MLXIPL: variants seen among roughly 807,000 people sequenced by gnomAD.
The protein encoded by MLXIPL is MLX interacting protein like.
In MLXIPL, 49 loss-of-function variants were observed where a neutral mutation model predicts 81.5. The ratio of observed to expected loss-of-function variants is 0.60; its 90% CI spans 0.48 to 0.76. The LOEUF (loss-of-function observed/expected upper bound fraction) is 0.76, where lower values mean the gene tolerates loss of function less well. Ranked by LOEUF, MLXIPL falls within the 30% of genes least tolerant of loss-of-function variation. MLXIPL has a pLI of 0.00. For missense variants in MLXIPL, 1,053 were observed against 1,167.0 expected, an observed-to-expected ratio of 0.90 and a Z score of 1.42; for synonymous variants, 466 against 485.5, an observed-to-expected ratio of 0.96 and a Z score of 0.53.
the MLXIPL span, among the ~76,000 whole-genome samples, chr7:73,629,803 A>T: frequency 6.6e-6 from 1 of 152,122 alleles, no homozygotes; most frequent in South Asian, 2.1e-4. Flanking sequence ...TGGGTGTGTT[A>T]GAATTTTCAT....
the MLXIPL span, among the ~76,000 whole-genome samples, chr7:73,633,333 C>T: frequency 6.7e-6 from 1 of 148,628 alleles, no homozygotes; most frequent in East Asian, 2.0e-4. Context: ...CCACCTGCCT[C>T]GGCCTCCCAA....
chr7:73,607,798 A>G (rs1365412687), intron 2 of MLXIPL, 126 bp from the exon 3 acceptor site: 2 of 702,656 alleles, frequency 2.8e-6, no homozygotes, highest in Non-Finnish European at 4.9e-6. Context: ...TTAAGTGCCC[A>G]TGCTGCCTCC....
At chr7:73,598,885 C>T (rs1382498175) in intron 8 of MLXIPL, among the ~76,000 whole-genome samples, 14 of 151,824 alleles carry the variant, frequency 9.2e-5, no homozygotes, top group African/African-American at 1.5e-4. Context: ...CTTGGGAGGC[C>T]GAGGCGGGCG....
upstream of MLXIPL, among the ~76,000 whole-genome samples, chr7:73,625,360 G>A (rs1554603557): frequency 6.6e-6 from 1 of 152,110 alleles, no homozygotes; most frequent in African/African-American, 2.4e-5. Flanking sequence ...CTCCACATAG[G>A]TAGAAGCCCC....
intron 5 of MLXIPL, 155 bp downstream of exon 5, chr7:73,606,819 C>A: frequency 1.2e-6 from 1 of 851,386 alleles, no homozygotes; most frequent in Non-Finnish European, 1.9e-6. Context: ...GAGAAGAGCT[C>A]AACAAATGAA....
chr7:73,624,464 G>A lies in MLXIPL; in HGVS notation c.29C>T (p.Ala10Val). The change falls in exon 1 of 17, where the codon GCG becomes GTG. Residue 10 changes from alanine to valine, a missense_variant. Physicochemically the swap from Ala to Val is moderately conservative, Grantham distance 64 (BLOSUM62 0). Coordinates refer to ENST00000313375, the MANE Select transcript of MLXIPL (RefSeq NM_032951.3). ...CGCGACCCGCGGGACCTGCAAGCCC[G>A]CGGCCAGACCTGCCAGCGCGCCGGC... MAGALAGLA[A>V]GLQVPRVAPS... 6.5e-7 allele frequency: 1 copy of A among 1,544,740 alleles called. No homozygotes were observed. Among genetic ancestry groups the A allele is most frequent in the Non-Finnish European group, 8.7e-7 (1 of 1,153,190 alleles).
At chr7:73,595,792 G>T (rs1428180038) in intron 14 of MLXIPL, 32 bp from the exon 15 acceptor site, 3 of 1,579,672 alleles carry the variant, frequency 1.9e-6, no homozygotes, top group Non-Finnish European at 2.6e-6. Context: ...GGGGCTGGGG[G>T]TAAGGCGGCA....
At chr7:73,612,162 C>T (rs1795727657) in intron 2 of MLXIPL, among the ~76,000 whole-genome samples, 2 of 151,632 alleles carry the variant, frequency 1.3e-5, no homozygotes, top group Admixed American at 1.3e-4. Flanking sequence ...CCTGCCCCTA[C>T]AAAAAATTAA....
At chr7:73,614,897 G>A (rs1363013405) in intron 2 of MLXIPL, among the ~76,000 whole-genome samples, 3 of 142,968 alleles carry the variant, frequency 2.1e-5, no homozygotes, top group Non-Finnish European at 4.5e-5. Context: ...TGCAAGCTCC[G>A]CCTCCCAGGT....
the MLXIPL span, among the ~76,000 whole-genome samples, chr7:73,637,344 A>C: frequency 2.0e-5 from 3 of 151,568 alleles, no homozygotes; most frequent in Non-Finnish European, 2.9e-5. Flanking sequence ...GCATGGTGGC[A>C]CACGCTTGTA....
intron 1 of MLXIPL, 130 bp from the exon 2 acceptor site, chr7:73,616,307 A>G: frequency 1.3e-6 from 1 of 773,980 alleles, no homozygotes; most frequent in South Asian, 1.4e-5. Flanking sequence ...CTGGCCCCCC[A>G]ACCCAACCTG....
At chr7:73,645,357 A>G in the MLXIPL span, among the ~76,000 whole-genome samples, 1 of 152,152 alleles carries the variant, frequency 6.6e-6, no homozygotes, top group Non-Finnish European at 1.5e-5. Context: ...TCTCTTATTT[A>G]TCAGTGCCAG....
At chr7:73,643,292 A>T in the MLXIPL span, among the ~76,000 whole-genome samples, 1 of 152,148 alleles carries the variant, frequency 6.6e-6, no homozygotes, top group Admixed American at 6.6e-5. Flanking sequence ...AGGCGGGCGG[A>T]TCACGAGGTC....
intron 2 of MLXIPL, chr7:73,610,619 A>C (rs1795628842): frequency 6.6e-6 from 1 of 152,194 alleles, no homozygotes; most frequent in African/African-American, 2.4e-5. Context: ...GACTATAGGC[A>C]TGTGCTACCA....
intron 7 of MLXIPL, among the ~76,000 whole-genome samples, chr7:73,601,131 CAGTT>C (rs1464684819): frequency 1.3e-5 from 2 of 150,892 alleles, no homozygotes; most frequent in African/African-American, 2.4e-5. Context: ...GACCAGGAGT[CAGTT>C]AGATAAGGTC....
chr7:73,636,879 G>A, the MLXIPL span, among the ~76,000 whole-genome samples: 2 of 152,070 alleles, frequency 1.3e-5, no homozygotes, highest in African/African-American at 4.8e-5. Flanking sequence ...GGCCAAGATG[G>A]TGAAACCCCG....
At chr7:73,647,434 C>T in the MLXIPL span, among the ~76,000 whole-genome samples, 1 of 152,130 alleles carries the variant, frequency 6.6e-6, no homozygotes, top group Non-Finnish European at 1.5e-5. Flanking sequence ...CTCTCAGCTC[C>T]TGGGAGAACC....
chr7:73,621,010 A>G lies in MLXIPL; in HGVS notation c.293+3190T>C, dbSNP rs559255392. On this transcript the variant is annotated intron_variant, in intron 1 of 16. Transcript: ENST00000313375. ...GATTACAGTGAGCTGAGATCATGCCAGCGCACTCCAGCCTGGGCAACAGAG... is the reference window on the plus strand; with the variant it reads ...GATTACAGTGAGCTGAGATCATGCCGGCGCACTCCAGCCTGGGCAACAGAG... Among the ~76,000 whole-genome samples, 4 of 151,950 alleles carry G rather than the reference A, an allele frequency of 2.6e-5. No homozygotes were observed. The East Asian group carries it at 5.8e-4, about 22-fold the overall frequency.
At chr7:73,616,434 G>T (rs17145767) in intron 1 of MLXIPL, among the ~76,000 whole-genome samples, 1 of 152,114 alleles carries the variant, frequency 6.6e-6, no homozygotes, top group Non-Finnish European at 1.5e-5. Flanking sequence ...CAAAAGCCAC[G>T]CTGAAACCTG....
Sources: allele counts gnomAD v4.1 joint callset (sites outside exome capture counted in the v4.1 genomes callset), GRCh38; gene constraint gnomAD v4.1.1; transcripts MANE v1.5; gene names NCBI Gene and HGNC (gene_info 2026-07-23, HGNC 2026-07-21).